The following MCC variants were observed in gnomAD, a reference collection of about 807,000 sequenced individuals.
MCC encodes MCC regulator of Wnt signaling pathway.
In MCC, 90 loss-of-function variants were observed where a neutral mutation model predicts 116.2. The observed-to-expected ratio is 0.77, with a 90% CI of 0.65 to 0.92. MCC has a LOEUF of 0.92. MCC is among the 40% of genes least tolerant of loss of function. MCC has a pLI of 0.00. For synonymous variants in MCC, 578 were observed against 510.5 expected (o/e 1.13, Z -1.78); for missense variants, 1,516 against 1,312.2 (o/e 1.16, Z -2.40).
At chr5:113,292,766 G>A (rs562346612) in intron 3 of MCC, among the ~76,000 whole-genome samples, 1 of 152,282 alleles carries the variant, frequency 6.6e-6, no homozygotes, top group South Asian at 2.1e-4. Context: ...CTGCTGCATA[G>A]AAACATCGTG....
At chr5:113,298,449 A>G (rs1766765758) in intron 3 of MCC, among the ~76,000 whole-genome samples, 1 of 152,242 alleles carries the variant, frequency 6.6e-6, no homozygotes. Flanking sequence ...ATAGGGAGTG[A>G]GGAGAAACTG....
At position 113,488,406 on chromosome 5, in the gene MCC, C is replaced by T. The variant is rs749645677; in HGVS notation, c.9G>A (p.Ala3=). Residue 3 remains alanine (A), a synonymous_variant, in exon 1 of 19, where the codon GCG becomes GCA. Coordinates refer to ENST00000408903, the MANE Select transcript of MCC (RefSeq NM_001085377.2). The part of the protein sequence containing the change: MM[A]AAAAAAAGSS... Reference sequence around the variant, plus strand: ...TCCCCGCAGCCGCTGCCGCCGCGGCCGCCATCATGCGCCCGCTCCCTACTT... The same window carrying T: ...TCCCCGCAGCCGCTGCCGCCGCGGCTGCCATCATGCGCCCGCTCCCTACTT... 1 of 1,394,932 alleles carries T rather than the reference C, an allele frequency of 7.2e-7. No individual in the cohort carries two copies. The highest frequency in any genetic ancestry group is 1.8e-5 in the South Asian group (1 of 55,826). 86.4% of individuals were successfully genotyped at this position (1,394,932 alleles called of 1,614,324 possible). A position where few individuals can be genotyped will look rare whatever the true frequency, so the allele number is the denominator to read the frequency against.
At chr5:113,218,293 C>T (rs1763402733) in intron 3 of MCC, among the ~76,000 whole-genome samples, 1 of 152,184 alleles carries the variant, frequency 6.6e-6, no homozygotes, top group South Asian at 2.1e-4. Flanking sequence ...TCTTTCACGT[C>T]TCTAACGTCT....
chr5:113,068,239 T>C, intron 12 of MCC, 56 bp from the exon 13 acceptor site: 17 of 1,380,650 alleles, frequency 1.2e-5, no homozygotes, highest in Non-Finnish European at 1.5e-5. Context: ...ACACCTTCAA[T>C]GTGGCGCCGG....
chr5:113,193,295 G>T (rs572027083), intron 3 of MCC, among the ~76,000 whole-genome samples: 28 of 149,314 alleles, frequency 1.9e-4, no homozygotes, highest in Non-Finnish European at 3.0e-4. Context: ...CATATGCAAA[G>T]ATCCTTTTAC....
chr5:113,487,636 G>A (rs1772574033), intron 1 of MCC, among the ~76,000 whole-genome samples: 1 of 152,240 alleles, frequency 6.6e-6, no homozygotes, highest in South Asian at 2.1e-4. Context: ...TCTAGCCCTA[G>A]TTTGCTCCTG....
chr5:113,123,223 C>CA (rs1333372399), intron 5 of MCC, among the ~76,000 whole-genome samples: 1 of 152,254 alleles, frequency 6.6e-6, no homozygotes, highest in Non-Finnish European at 1.5e-5. Context: ...GCATGCCCTA[C>CA]AATCTGGAGG....
At chr5:113,097,394 T>C (rs1756091668) in intron 8 of MCC, among the ~76,000 whole-genome samples, 1 of 152,160 alleles carries the variant, frequency 6.6e-6, no homozygotes, top group Non-Finnish European at 1.5e-5. Flanking sequence ...TAGAACATTA[T>C]AGAGAAGTTT....
chr5:113,092,005 C>T (rs1477885758), intron 8 of MCC, among the ~76,000 whole-genome samples: 1 of 152,138 alleles, frequency 6.6e-6, no homozygotes, highest in African/African-American at 2.4e-5. Flanking sequence ...ACTGCATTGC[C>T]AACACCTTCA....
chr5:113,171,827 T>C (rs1761086741), intron 3 of MCC, among the ~76,000 whole-genome samples: 1 of 152,098 alleles, frequency 6.6e-6, no homozygotes, highest in Non-Finnish European at 1.5e-5. Context: ...TATCTGCTTG[T>C]CACCAGCAAG....
At chr5:113,096,518 G>C (rs1472593230) in intron 8 of MCC, among the ~76,000 whole-genome samples, 1 of 152,154 alleles carries the variant, frequency 6.6e-6, no homozygotes, top group African/African-American at 2.4e-5. Flanking sequence ...TGGTATCATA[G>C]TCAAAGCATG....
intron 3 of MCC, among the ~76,000 whole-genome samples, chr5:113,215,595 C>T (rs1018543820): frequency 1.3e-5 from 2 of 152,226 alleles, no homozygotes; most frequent in Non-Finnish European, 2.9e-5. Flanking sequence ...GGCTGACTTG[C>T]CCTTCTGCCT....
intron 1 of MCC, among the ~76,000 whole-genome samples, chr5:113,423,362 A>C (rs1770391955): frequency 6.6e-6 from 1 of 152,182 alleles, no homozygotes; most frequent in Admixed American, 6.5e-5. Context: ...ATCTATATTA[A>C]ACAGGGTGTC....
In MCC at chr5:113,068,106, C is replaced by G. The variant is rs890858998; in HGVS notation, c.2003G>C (p.Arg668Pro). 8.7e-6 allele frequency: 14 copies of G among 1,614,064 alleles called. No individual in the cohort carries two copies. The highest frequency in any genetic ancestry group is 1.2e-5 in the Non-Finnish European group (14 of 1,180,044). ...AGGGGAGGACCCCACGCCCGCCGCT[C>G]GGAACTGCCCCAGGATGAGGCTCTG... Reference protein sequence around the residue: ...SEQSLILGQFRAAGVGSSPGD... With the variant: ...SEQSLILGQFPAAGVGSSPGD... Residue 668 changes from arginine (R) to proline (P), a missense_variant, in exon 13 of 19, where the codon CGA becomes CCA. Transcript: ENST00000408903.
chr5:113,076,393 T>C (rs1754457256), intron 11 of MCC, among the ~76,000 whole-genome samples: 1 of 152,098 alleles, frequency 6.6e-6, no homozygotes. Flanking sequence ...GAAAAAAATG[T>C]TAAGGGCAGC....
rs146397605 is a variant in MCC, at chr5:113,127,739, A to G, written c.885-4913T>C. ...TGTTTAAGTTCCTTATAGATGCTGGAAAGACCTTTGTTTGATGCATAGTTT... is the reference window on the plus strand; with the variant it reads ...TGTTTAAGTTCCTTATAGATGCTGGGAAGACCTTTGTTTGATGCATAGTTT... On this transcript the variant is annotated intron_variant, in intron 5 of 18. Transcript: ENST00000408903. Among the ~76,000 whole-genome samples, 307 of 152,194 alleles carry G rather than the reference A, an allele frequency of 2.0e-3. 1 individual carries two copies. The highest frequency in any genetic ancestry group is 7.0e-3 in the African/African-American group (289 of 41,526).
intron 3 of MCC, among the ~76,000 whole-genome samples, chr5:113,293,287 C>T (rs1276228749): frequency 2.6e-5 from 4 of 152,108 alleles, no homozygotes; most frequent in African/African-American, 9.7e-5. Context: ...TTTCCCTTCA[C>T]CATTGGTAGT....
intron 9 of MCC, 120 bp downstream of exon 9, chr5:113,085,044 A>G (rs1416954138): frequency 2.4e-5 from 34 of 1,389,204 alleles, no homozygotes; most frequent in Non-Finnish European, 3.4e-5. Context: ...GTAAGGTCCC[A>G]GGGGAAGCCC....
At chr5:113,368,924 C>A (rs1013201728) in intron 2 of MCC, among the ~76,000 whole-genome samples, 2 of 152,174 alleles carry the variant, frequency 1.3e-5, no homozygotes, top group Non-Finnish European at 2.9e-5. Context: ...TGGGTTCCCA[C>A]AATCTTTTCC....
Sources: allele counts gnomAD v4.1 joint callset (sites outside exome capture counted in the v4.1 genomes callset), GRCh38; gene constraint gnomAD v4.1.1; transcripts MANE v1.5; gene names NCBI Gene and HGNC (gene_info 2026-07-23, HGNC 2026-07-21).